Variants in RIN3 observed in about 807,000 individuals in gnomAD.
RIN3 encodes the protein Ras and Rab interactor 3.
A neutral mutation model predicts 76.3 loss-of-function variants in RIN3; 54 were observed. The observed-to-expected ratio is 0.71, with a 90% CI of 0.57 to 0.89. RIN3 has a LOEUF of 0.89. Among genes scored for constraint, RIN3 ranks in the 40% least tolerant of loss-of-function variants. The pLI is 0.00. For synonymous variants in RIN3, 576 were observed against 564.0 expected (o/e 1.02, Z -0.30); for missense variants, 1,256 against 1,322.1 (o/e 0.95, Z 0.78).
At chr14:92,677,615 C>CT (rs111826209) in intron 8 of RIN3, among the ~76,000 whole-genome samples, 32 of 149,692 alleles carry the variant, frequency 2.1e-4, no homozygotes, top group African/African-American at 4.4e-4. Context: ...CTGTATCTAC[C>CT]TTTTTTTTTT....
At chr14:92,583,678 T>C (rs1884646930) in intron 3 of RIN3, among the ~76,000 whole-genome samples, 1 of 152,224 alleles carries the variant, frequency 6.6e-6, no homozygotes, top group African/African-American at 2.4e-5. Flanking sequence ...TAGAAATGAT[T>C]TAAAGCAGAG....
At chr14:92,538,105 T>G (rs7153808) in intron 1 of RIN3, among the ~76,000 whole-genome samples, 115,763 of 151,950 alleles carry the variant, frequency 0.76, 44,656 homozygotes, top group African/African-American at 0.87. Flanking sequence ...GATTACAGGC[T>G]TGAGCCACCA....
chr14:92,617,701 A>G (rs1886023693), intron 4 of RIN3, among the ~76,000 whole-genome samples: 1 of 152,220 alleles, frequency 6.6e-6, no homozygotes, highest in East Asian at 1.9e-4. Flanking sequence ...CCAAAGAATG[A>G]CTTAACTAAG....
At chr14:92,641,509 GT>G (rs1595476950) in intron 5 of RIN3, among the ~76,000 whole-genome samples, 180 bp downstream of exon 5, 1 of 152,194 alleles carries the variant, frequency 6.6e-6, no homozygotes, top group East Asian at 1.9e-4. Context: ...TTTCTAAAGA[GT>G]CGCCTCTATC....
At chr14:92,634,015 A>C (rs117488616) in intron 4 of RIN3, among the ~76,000 whole-genome samples, 9 of 151,990 alleles carry the variant, frequency 5.9e-5, no homozygotes, top group Non-Finnish European at 1.3e-4. Flanking sequence ...GAAGTTCACA[A>C]GCTGACCCTC....
intron 6 of RIN3, among the ~76,000 whole-genome samples, chr14:92,657,368 AAAAAAG>A (rs1251778153): frequency 6.2e-4 from 9 of 14,628 alleles, no homozygotes; most frequent in African/African-American, 7.1e-4. Context: ...CTCAAAAAAC[AAAAAAG>A]AAAAAAAAAA....
At position 92,687,949 on chromosome 14, in the gene RIN3, G is replaced by A; in HGVS notation, c.2655G>A (p.Leu885=). The change falls in exon 10 of 10, where the codon CTG becomes CTA. Residue 885 remains leucine, a synonymous_variant. Transcript: ENST00000216487. ...AGGACTTCATCTGCGTGTCGTACCT[G>A]GAGCCCGAGCAGCAGGCGCGGACGC... ...SVQDFICVSY[L]EPEQQARTLA... 6.4e-7 allele frequency: 1 copy of A among 1,551,230 alleles called. No individual in the cohort carries two copies. The highest frequency in any genetic ancestry group is 1.2e-5 in the South Asian group (1 of 84,518).
At chr14:92,554,318 C>T (rs544600561) in intron 1 of RIN3, among the ~76,000 whole-genome samples, 1 of 152,202 alleles carries the variant, frequency 6.6e-6, no homozygotes, top group African/African-American at 2.4e-5. Flanking sequence ...GTCTGGGATC[C>T]CTTAAACCGG....
chr14:92,528,604 C>G (rs201717507), intron 1 of RIN3, among the ~76,000 whole-genome samples: 1 of 152,194 alleles, frequency 6.6e-6, no homozygotes, highest in Admixed American at 6.5e-5. Flanking sequence ...GCATGATCAT[C>G]TGGGAAATGG....
intron 3 of RIN3, among the ~76,000 whole-genome samples, chr14:92,598,271 G>A (rs1885222983): frequency 6.6e-6 from 1 of 152,142 alleles, no homozygotes; most frequent in Non-Finnish European, 1.5e-5. Context: ...ACAGGCCTGG[G>A]TGAATCCAGC....
chr14:92,601,971 CT>C (rs1885362367), intron 3 of RIN3, among the ~76,000 whole-genome samples: 1 of 152,252 alleles, frequency 6.6e-6, no homozygotes, highest in Non-Finnish European at 1.5e-5. Context: ...CATCTACGCA[CT>C]TGCTCAATAC....
At position 92,622,948 on chromosome 14, in the gene RIN3, G is replaced by A. The variant is rs545876221; in HGVS notation, c.440+7469G>A. On this transcript the variant is annotated intron_variant, in intron 4 of 9. Transcript: ENST00000216487. Reference sequence around the variant, plus strand: ...GGATTTCGTGTTCGTTCACGGGGAAGAATTTGTTACTATAGGATTGGGAAG... The same window carrying A: ...GGATTTCGTGTTCGTTCACGGGGAAAAATTTGTTACTATAGGATTGGGAAG... Among the ~76,000 whole-genome samples, 3 of 152,390 alleles carry A rather than the reference G, an allele frequency of 2.0e-5. No homozygotes were observed. In the East Asian group the frequency reaches 5.8e-4, roughly 29 times the overall value.
At chr14:92,614,745 C>A (rs1885882009) in intron 3 of RIN3, among the ~76,000 whole-genome samples, 1 of 151,346 alleles carries the variant, frequency 6.6e-6, no homozygotes, top group Non-Finnish European at 1.5e-5. Context: ...TCGCCTTCCA[C>A]CGTAATTATG....
At chr14:92,586,906 T>C (rs985882526) in intron 3 of RIN3, among the ~76,000 whole-genome samples, 3 of 152,124 alleles carry the variant, frequency 2.0e-5, no homozygotes, top group Non-Finnish European at 4.4e-5. Flanking sequence ...TGGAAAATAT[T>C]TGTGAAAAAG....
chr14:92,580,287 A>C (rs1450744028), intron 3 of RIN3, among the ~76,000 whole-genome samples: 1 of 152,210 alleles, frequency 6.6e-6, no homozygotes, highest in African/African-American at 2.4e-5. Context: ...AATTACTTGA[A>C]CCTGGGAGGC....
In RIN3 at chr14:92,659,295, G is replaced by A; in HGVS notation, c.2161G>A (p.Ala721Thr). ...QLKENQLVIL[A>T]TTTTDLGVTT... ...CAAGGAGAACCAGTTAGTGATCCTG[G>A]CCACCACCACCACTGACCTAGGTGT... is the stretch of plus-strand genomic sequence containing the variant. The change falls in exon 7 of 10, where the codon GCC (alanine) becomes ACC (threonine). Residue 721 changes from alanine (A) to threonine (T), a missense_variant. Ala to Thr is a moderately conservative substitution (Grantham distance 58). Around this residue, in one of 3 missense-constraint regions of RIN3, gnomAD observed 428 missense variants for 521.2 expected, o/e 0.82. Coordinates refer to ENST00000216487, the MANE Select transcript of RIN3 (RefSeq NM_024832.5). 1 of 1,613,730 alleles carries A rather than the reference G, an allele frequency of 6.2e-7. No homozygotes were observed. Among genetic ancestry groups the A allele is most frequent in the Non-Finnish European group, 8.5e-7 (1 of 1,179,774 alleles).
intron 3 of RIN3, among the ~76,000 whole-genome samples, chr14:92,591,010 G>A (rs146088941): frequency 7.9e-5 from 12 of 152,278 alleles, no homozygotes; most frequent in South Asian, 6.2e-4. Flanking sequence ...ACTCACATAT[G>A]GTAGAGAGGT....
At chr14:92,576,573 A>G (rs1368470091) in intron 2 of RIN3, among the ~76,000 whole-genome samples, 3 of 152,166 alleles carry the variant, frequency 2.0e-5, no homozygotes, top group African/African-American at 7.2e-5. Flanking sequence ...TTCTTCCCTT[A>G]TAGCTGTGAG....
intron 1 of RIN3, among the ~76,000 whole-genome samples, chr14:92,538,771 A>G (rs572691682): frequency 6.6e-6 from 1 of 152,160 alleles, no homozygotes; most frequent in East Asian, 1.9e-4. Context: ...CAAAGTTTCA[A>G]GTTGTTTTAA....
Sources: gnomAD v4.1 joint callset for allele counts (sites outside exome capture counted in the v4.1 genomes callset) on GRCh38, gnomAD v4.1.1 for gene constraint, gnomAD v4.1.1 regional missense constraint, MANE v1.5 for transcripts, NCBI Gene and HGNC (gene_info 2026-07-23, HGNC 2026-07-21) for gene names.